Variants in ARHGAP45 observed in about 807,000 individuals in gnomAD.
The protein encoded by ARHGAP45 is Rho GTPase activating protein 45, also known as rho GTPase-activating protein 45.
A neutral mutation model predicts 116.1 loss-of-function variants in ARHGAP45; 56 were observed. The ratio of observed to expected loss-of-function variants is 0.48; its 90% CI spans 0.39 to 0.60. The LOEUF is 0.60. Ranked by LOEUF, ARHGAP45 falls within the 20% of genes least tolerant of loss-of-function variation. The pLI is 0.00. For missense variants in ARHGAP45, 1,622 were observed against 1,601.0 expected (o/e 1.01, Z -0.22); for synonymous variants, 866 against 701.7 (o/e 1.23, Z -3.70).
chr19:1,077,710 A>C, intron 10 of ARHGAP45, 147 bp from the exon 11 acceptor site: 2 of 1,490,696 alleles, frequency 1.3e-6, no homozygotes, highest in Non-Finnish European at 1.8e-6. Flanking sequence ...TCCGCTGCCG[A>C]TTGTTGTGCA....
At chr19:1,076,025 AC>A (rs1315896396) in intron 10 of ARHGAP45, among the ~76,000 whole-genome samples, 4 of 152,052 alleles carry the variant, frequency 2.6e-5, no homozygotes, top group African/African-American at 9.7e-5. Flanking sequence ...AGCAGCCTGA[AC>A]CCCTTTTTTC....
At chr19:1,073,004 C>T (rs561953276) in intron 2 of ARHGAP45, 145 bp from the exon 3 acceptor site, 9 of 1,007,692 alleles carry the variant, frequency 8.9e-6, no homozygotes, top group South Asian at 3.2e-5. Flanking sequence ...CCCGCGGTCT[C>T]GAAATGAGCC....
In ARHGAP45 at chr19:1,086,183, G is replaced by A. The variant is rs2043643398; in HGVS notation, c.*177G>A. 6 of 610,820 alleles carry A rather than the reference G, an allele frequency of 9.8e-6. No individual in the cohort carries two copies. Among genetic ancestry groups the A allele is most frequent in the Middle Eastern group, 4.4e-4 (1 of 2,266 alleles). 37.8% of individuals were successfully genotyped at this position (610,820 alleles called of 1,614,324 possible). A position where few individuals can be genotyped will look rare whatever the true frequency, so the allele number is the denominator to read the frequency against. On this transcript the variant is annotated 3_prime_UTR_variant, in exon 23 of 23. Transcript: ENST00000313093. ...CTCCCAGAGGCTTCCAGGAGCACGAGGGCCTTGCGGCACAGGACTGTGCCC... is the reference window on the plus strand; with the variant it reads ...CTCCCAGAGGCTTCCAGGAGCACGAAGGCCTTGCGGCACAGGACTGTGCCC...
At chr19:1,081,412 G>A (rs948840727) in intron 17 of ARHGAP45, 138 bp from the exon 18 acceptor site, 11 of 924,212 alleles carry the variant, frequency 1.2e-5, no homozygotes, top group Admixed American at 3.1e-5. Flanking sequence ...TGGAAGCCAC[G>A]AGCCACTGTC....
At position 1,085,688 on chromosome 19, in the gene ARHGAP45, C is replaced by G; in HGVS notation, c.3093C>G (p.Asp1031Glu). Residue 1031 changes from aspartate (D) to glutamate (E), a missense_variant, in exon 23 of 23, where the codon GAC (aspartate) becomes GAG (glutamate). By Grantham distance (45) the Asp-to-Glu change is conservative. This residue lies in a region of ARHGAP45 where 1,334 missense variants were observed against 1,263.8 expected (regional missense o/e 1.06). Coordinates refer to ENST00000313093, the MANE Select transcript of ARHGAP45 (RefSeq NM_012292.5). ...RESRVVSNDS[D>E]SDLEEASELL... ...CCCGAGTTGTGTCCAACGATTCGGA[C>G]TCGGACCTAGAGGAGGCCTCCGAGC... The G allele has an allele frequency of 1.3e-6, 2 of 1,593,180 alleles. No homozygotes were observed. Among genetic ancestry groups the G allele is most frequent in the South Asian group, 2.2e-5 (2 of 89,782 alleles).
In ARHGAP45 at chr19:1,068,349, G is replaced by A; in HGVS notation, c.91-65G>A. Reference sequence around the variant, plus strand: ...CCTCCACAGCCCCACTTCATTTCTGGGGAAACTGAGGCCGTGTCCAGGCCG... The same window carrying A: ...CCTCCACAGCCCCACTTCATTTCTGAGGAAACTGAGGCCGTGTCCAGGCCG... On this transcript the variant is annotated intron_variant, in intron 1 of 22. Coordinates refer to ENST00000313093, the MANE Select transcript of ARHGAP45 (RefSeq NM_012292.5). This position sits in a 1 kb window ranked among gnomAD's most constrained non-coding sequence, Gnocchi z 7.5. The A allele has an allele frequency of 7.2e-7, 1 of 1,387,440 alleles. No homozygotes were observed. Among genetic ancestry groups the A allele is most frequent in the Non-Finnish European group, 9.6e-7 (1 of 1,039,826 alleles). The allele number at this position is 1,387,440 out of a possible 1,614,324, so 85.9% of individuals were successfully genotyped here. A position where few individuals can be genotyped will look rare whatever the true frequency, so the allele number is the denominator to read the frequency against.
chr19:1,085,375 G>C (rs1225789872), intron 22 of ARHGAP45, among the ~76,000 whole-genome samples: 1 of 152,130 alleles, frequency 6.6e-6, no homozygotes, highest in Non-Finnish European at 1.5e-5. Flanking sequence ...AATTATGGGA[G>C]CTACAAGATG....
rs548146975 is a variant in ARHGAP45, at chr19:1,082,854, C to G, written c.2532C>G (p.Leu844=). Residue 844 remains leucine, a synonymous_variant, in exon 20 of 23, where the codon CTC becomes CTG. Transcript: ENST00000313093. ...KLYLRQLPEP[L]ISFRLYHELV... is the part of the protein sequence containing the mutation. ...ACTCTGCGCAGCTTCCCGAGCCGCT[C>G]ATCTCCTTCCGCCTCTACCACGAGC... The G allele has an allele frequency of 1.3e-6, 2 of 1,530,618 alleles. No individual in the cohort carries two copies. Among genetic ancestry groups the G allele is most frequent in the South Asian group, 1.3e-5 (1 of 79,208 alleles). 94.8% of individuals were successfully genotyped at this position (1,530,618 alleles called of 1,614,324 possible). A position where few individuals can be genotyped will look rare whatever the true frequency, so the allele number is the denominator to read the frequency against.
At position 1,068,285 on chromosome 19, in the gene ARHGAP45, T is replaced by A. The variant is rs1254569500; in HGVS notation, c.91-129T>A. The A allele has an allele frequency of 1.3e-6, 1 of 754,608 alleles. No individual in the cohort carries two copies. The highest frequency in any genetic ancestry group is 3.1e-5 in the Admixed American group (1 of 32,714). 46.7% of individuals were successfully genotyped at this position (754,608 alleles called of 1,614,324 possible). ...ACTACCAAATCTCGGCCCTGTGACC[T>A]CTGGCCTTTGACCCCTGTGGGGTCA... On this transcript the variant is annotated intron_variant, in intron 1 of 22. Transcript: ENST00000313093. The surrounding 1 kb of genome is among the most constrained non-coding windows in gnomAD (Gnocchi z 7.5).
chr19:1,085,971 G>C lies in ARHGAP45; in HGVS notation c.3376G>C (p.Gly1126Arg), dbSNP rs980703708. 5.0e-6 allele frequency: 8 copies of C among 1,612,760 alleles called. No homozygotes were observed. The highest frequency in any genetic ancestry group is 5.9e-6 in the Non-Finnish European group (7 of 1,179,880). The change falls in exon 23 of 23, where the codon GGC becomes CGC. Residue 1126 changes from glycine (G) to arginine (R), a missense_variant. Gly to Arg is a moderately radical substitution (Grantham distance 125). This residue lies in a region of ARHGAP45 where 1,334 missense variants were observed against 1,263.8 expected (regional missense o/e 1.06). Coordinates refer to ENST00000313093, the MANE Select transcript of ARHGAP45 (RefSeq NM_012292.5). ...MRLRGGRMTL[G>R]SCRERQPEFV ...GCTCCGTGGCGGGCGGATGACACTGGGCTCCTGCAGGGAAAGGCAGCCGGA... is the reference window on the plus strand; with the variant it reads ...GCTCCGTGGCGGGCGGATGACACTGCGCTCCTGCAGGGAAAGGCAGCCGGA...
chr19:1,069,429 C>T lies in ARHGAP45; in HGVS notation c.421+685C>T, dbSNP rs2043098298. ...TGCTGCCTTCAGCCCCCGGCTCCTCCCAGAAACCACAGTGCCAGGGTCATG... is the reference window on the plus strand; with the variant it reads ...TGCTGCCTTCAGCCCCCGGCTCCTCTCAGAAACCACAGTGCCAGGGTCATG... On this transcript the variant is annotated intron_variant, in intron 2 of 22. Coordinates refer to ENST00000313093, the MANE Select transcript of ARHGAP45 (RefSeq NM_012292.5). This position sits in a 1 kb window ranked among gnomAD's most constrained non-coding sequence, Gnocchi z 4.1. Among the ~76,000 whole-genome samples the T allele has an allele frequency of 2.0e-5, 3 of 152,246 alleles. No homozygotes were observed. The highest frequency in any genetic ancestry group is 2.0e-4 in the Admixed American group (3 of 15,288).
At chr19:1,073,456 G>A in intron 3 of ARHGAP45, 50 bp from the exon 4 acceptor site, 1 of 1,587,732 alleles carries the variant, frequency 6.3e-7, no homozygotes, top group Non-Finnish European at 8.6e-7. Flanking sequence ...TGCAGGGATG[G>A]TCACCTCCCA....
At position 1,077,922 on chromosome 19, in the gene ARHGAP45, C is replaced by T; in HGVS notation, c.1251C>T (p.Asp417=). The change falls in exon 11 of 23, where the codon GAC becomes GAT. Residue 417 remains aspartate, a synonymous_variant. Coordinates refer to ENST00000313093, the MANE Select transcript of ARHGAP45 (RefSeq NM_012292.5). ...ACGTGCAGCGCTGCGAGGACCACGACAAGGCTCGCTTCCTCGTGGCCAAGG... is the reference window on the plus strand; with the variant it reads ...ACGTGCAGCGCTGCGAGGACCACGATAAGGCTCGCTTCCTCGTGGCCAAGG... ...QGYVQRCEDH[D]KARFLVAKAE... is the part of the protein sequence containing the mutation. 6.4e-7 allele frequency: 1 copy of T among 1,553,976 alleles called. No individual in the cohort carries two copies. The highest frequency in any genetic ancestry group is 1.2e-5 in the South Asian group (1 of 84,252).
At chr19:1,074,309 G>A (rs760660422) in intron 7 of ARHGAP45, 34 bp from the exon 8 acceptor site, 49 of 1,611,864 alleles carry the variant, frequency 3.0e-5, no homozygotes, top group Non-Finnish European at 3.9e-5. Context: ...GGAAGGCCTT[G>A]TCCCAGCACC....
intron 11 of ARHGAP45, among the ~76,000 whole-genome samples, chr19:1,079,077 G>C (rs1428302205): frequency 6.6e-6 from 1 of 151,870 alleles, no homozygotes; most frequent in Non-Finnish European, 1.5e-5. Context: ...CTACTCGGGA[G>C]GCTGAGGCAG....
chr19:1,078,054 G>T lies in ARHGAP45; in HGVS notation c.1374+9G>T. The T allele has an allele frequency of 1.3e-6, 2 of 1,546,284 alleles. No individual in the cohort carries two copies. Among genetic ancestry groups the T allele is most frequent in the Non-Finnish European group, 1.8e-6 (2 of 1,141,134 alleles). The stretch of plus-strand genomic sequence containing the variant: ...AGGAGGCCAAGAACAAGGTGAGGGC[G>T]GGTGGAGGCAGGGCTGGAGGTCCCT... On this transcript the variant is annotated intron_variant, in intron 11 of 22. Coordinates refer to ENST00000313093, the MANE Select transcript of ARHGAP45 (RefSeq NM_012292.5).
Position 1,068,301 on chromosome 19 carries a change from T to C in ARHGAP45, c.91-113T>C. ...CCTGTGACCTCTGGCCTTTGACCCC[T>C]GTGGGGTCAGGGTGATGGTGGCCCT... On this transcript the variant is annotated intron_variant, in intron 1 of 22. Transcript: ENST00000313093. The surrounding 1 kb of genome is among the most constrained non-coding windows in gnomAD (Gnocchi z 7.5). 6.4e-6 allele frequency: 6 copies of C among 935,422 alleles called. No individual in the cohort carries two copies. The highest frequency in any genetic ancestry group is 9.3e-6 in the Non-Finnish European group (6 of 643,502). The allele number at this position is 935,422 out of a possible 1,614,324, so 57.9% of individuals were successfully genotyped here.
intron 10 of ARHGAP45, 93 bp downstream of exon 10, chr19:1,074,972 C>G: frequency 9.1e-7 from 1 of 1,102,114 alleles, no homozygotes; most frequent in Middle Eastern, 3.4e-4. Flanking sequence ...GGCCCTGCGG[C>G]GAGCTCCGCA....
Position 1,074,789 on chromosome 19 carries a change from C to G in ARHGAP45, c.1105-10C>G. The G allele has an allele frequency of 6.2e-7, 1 of 1,601,340 alleles. No individual in the cohort carries two copies. Among genetic ancestry groups the G allele is most frequent in the Non-Finnish European group, 8.5e-7 (1 of 1,176,018 alleles). ...ACCGGGGTACCCACTCACGGCCCGTCTCGCCCCAGCCCCTGACCCTGCGGC... is the reference window on the plus strand; with the variant it reads ...ACCGGGGTACCCACTCACGGCCCGTGTCGCCCCAGCCCCTGACCCTGCGGC... On this transcript the variant is annotated splice_polypyrimidine_tract_variant and intron_variant, in intron 9 of 22. Transcript: ENST00000313093.
Sources: allele counts gnomAD v4.1 joint callset (sites outside exome capture counted in the v4.1 genomes callset), GRCh38; gene constraint gnomAD v4.1.1; regional missense constraint gnomAD v4.1.1; non-coding constraint Gnocchi (gnomAD v3.1); transcripts MANE v1.5; gene names NCBI Gene and HGNC (gene_info 2026-07-23, HGNC 2026-07-21).